The following IL1B variants were observed in gnomAD, a reference collection of about 807,000 sequenced individuals.
IL1B encodes the protein interleukin 1 beta, also known as interleukin-1 beta.
IL1B carries 11 observed loss-of-function variants against 26.2 expected under a neutral mutation model. The observed-to-expected ratio is 0.42, with a 90% confidence interval of 0.26 to 0.70. IL1B has a LOEUF of 0.70. IL1B is among the 30% of genes least tolerant of loss of function. IL1B has a pLI of 0.25. For synonymous variants in IL1B, 118 were observed against 120.8 expected, an observed-to-expected ratio of 0.98 and a Z score of 0.15; for missense variants, 255 against 327.5, an observed-to-expected ratio of 0.78 and a Z score of 1.71.
chr2:112,833,159 G>T, intron 4 of IL1B: 1 of 626,008 alleles, frequency 1.6e-6, no homozygotes, highest in Non-Finnish European at 2.8e-6. Context: ...GAAAGAGTGA[G>T]GGAGTTGCAA....
In IL1B at chr2:112,832,670, T is replaced by C. The variant is rs756774985; in HGVS notation, c.458A>G (p.Glu153Gly). The change falls in exon 5 of 7, where the codon GAG becomes GGG. Residue 153 changes from glutamate (E) to glycine (G), a missense_variant. Transcript: ENST00000263341. ...KALHLQGQDM[E>G]QQVVFSMSFV... is the part of the protein sequence containing the mutation. ...AGGATGTTTCCATTTACCTTGTTGC[T>C]CCATATCCTGTCCCTGGAGGTGGAG... 4 of 1,614,070 alleles carry C rather than the reference T, an allele frequency of 2.5e-6. No individual in the cohort carries two copies. The African/African-American group carries it at 5.3e-5, about 22-fold the overall frequency.
chr2:112,835,701 C>T, intron 2 of IL1B, 84 bp from the exon 3 acceptor site: 2 of 1,192,368 alleles, frequency 1.7e-6, no homozygotes. Context: ...CTTGACTGTT[C>T]ATAAGAAACT....
intron 5 of IL1B, among the ~76,000 whole-genome samples, chr2:112,832,119 G>A (rs1055008339): frequency 6.6e-6 from 1 of 152,232 alleles, no homozygotes; most frequent in African/African-American, 2.4e-5. Flanking sequence ...ATGCCAGGCA[G>A]ATCACCACAG....
In IL1B at chr2:112,832,557, T is replaced by C. The variant is rs529608227; in HGVS notation, c.466+105A>G. 5.7e-6 allele frequency: 7 copies of C among 1,223,680 alleles called. No individual in the cohort carries two copies. In the African/African-American group the frequency reaches 8.9e-5, roughly 16 times the overall value. 75.8% of individuals were successfully genotyped at this position (1,223,680 alleles called of 1,614,324 possible). On this transcript the variant is annotated intron_variant, in intron 5 of 6. Coordinates refer to ENST00000263341, the MANE Select transcript of IL1B (RefSeq NM_000576.3). ...TTCCTTTTTAATATTTTTTTTCACT[T>C]GTGTTGATCATTTGCCTTAAATTAA...
intron 3 of IL1B, 114 bp downstream of exon 3, chr2:112,835,452 A>G (rs1682071047): frequency 1.2e-6 from 1 of 845,582 alleles, no homozygotes; most frequent in Admixed American, 1.8e-5. Flanking sequence ...GGAAGAGGTT[A>G]AAGTCTTTCT....
At position 112,834,457 on chromosome 2, in the gene IL1B, C is replaced by T. The variant is rs183903244; in HGVS notation, c.100-882G>A. On this transcript the variant is annotated intron_variant, in intron 3 of 6. Transcript: ENST00000263341. ...ACTTTCCTCTTATTCAGAGAAGCTC[C>T]GTATTAAGGCTTCACTGAGGTTGCC... is the stretch of plus-strand genomic sequence containing the variant. 4.3e-4 allele frequency among the ~76,000 whole-genome samples: 65 copies of T among 152,300 alleles called. 1 individual carries two copies. The highest frequency in any genetic ancestry group is 1.9e-3 in the East Asian group (10 of 5,190).
chr2:112,836,220 C>T lies in IL1B; in HGVS notation c.10G>A (p.Val4Ile), dbSNP rs755035830. Reference protein sequence around the residue: MAEVPELASEMMAY... With the variant: MAEIPELASEMMAY... ...ATCATTTCACTGGCGAGCTCAGGTA[C>T]TTCTGCCATGGCTGCTTCAGACACC... The change falls in exon 2 of 7, where the codon GTA becomes ATA. Residue 4 changes from valine to isoleucine, a missense_variant. Val to Ile is a conservative substitution (Grantham distance 29). Transcript: ENST00000263341. 16 of 1,613,666 alleles carry T rather than the reference C, an allele frequency of 9.9e-6. No homozygotes were observed. In the South Asian group the frequency reaches 1.4e-4, roughly 14 times the overall value.
chr2:112,832,872 A>G, intron 4 of IL1B, 46 bp from the exon 5 acceptor site: 3 of 1,604,548 alleles, frequency 1.9e-6, no homozygotes, highest in Non-Finnish European at 2.6e-6. Context: ...TCAGAAGGGC[A>G]GGCCTCGTGA....
chr2:112,830,212 G>C lies in IL1B; in HGVS notation c.*149C>G. Reference sequence around the variant, plus strand: ...GGCTGATGGACAGGAGATCCTCTTAGCACTACCCTAAGGCAGGCAGTTGGG... The same window carrying C: ...GGCTGATGGACAGGAGATCCTCTTACCACTACCCTAAGGCAGGCAGTTGGG... On this transcript the variant is annotated 3_prime_UTR_variant, in exon 7 of 7. Coordinates refer to ENST00000263341, the MANE Select transcript of IL1B (RefSeq NM_000576.3). 1.5e-6 allele frequency: 1 copy of C among 689,148 alleles called. No individual in the cohort carries two copies. Among genetic ancestry groups the C allele is most frequent in the South Asian group, 1.7e-5 (1 of 60,122 alleles). The allele number at this position is 689,148 out of a possible 1,614,324, so 42.7% of individuals were successfully genotyped here.
intron 4 of IL1B, 135 bp downstream of exon 4, chr2:112,833,239 C>A: frequency 1.2e-6 from 1 of 800,274 alleles, no homozygotes; most frequent in Admixed American, 2.0e-5. Flanking sequence ...TGGTTTCCAG[C>A]CTTCTTTGTT....
chr2:112,834,542 A>C (rs1682050626), intron 3 of IL1B, among the ~76,000 whole-genome samples: 1 of 152,248 alleles, frequency 6.6e-6, no homozygotes, highest in African/African-American at 2.4e-5. Context: ...GTAAGTGCAC[A>C]AAAGAAAGTT....
At chr2:112,834,968 A>C (rs1406164898) in intron 3 of IL1B, among the ~76,000 whole-genome samples, 1 of 152,192 alleles carries the variant, frequency 6.6e-6, no homozygotes, top group African/African-American at 2.4e-5. Context: ...TCAGAACTGG[A>C]GGTTGCAGGA....
chr2:112,833,187 G>T, intron 4 of IL1B, 187 bp downstream of exon 4: 1 of 665,800 alleles, frequency 1.5e-6, no homozygotes, highest in Non-Finnish European at 2.7e-6. Context: ...TAGCCATCAA[G>T]ATCTTCTTTA....
intron 5 of IL1B, among the ~76,000 whole-genome samples, 166 bp from the exon 6 acceptor site, chr2:112,831,588 G>C (rs1681986857): frequency 1.3e-5 from 2 of 152,180 alleles, no homozygotes; most frequent in Admixed American, 1.3e-4. Flanking sequence ...ACAGACAATA[G>C]CAGGGTCATT....
At chr2:112,831,098 A>G in intron 6 of IL1B, 194 bp downstream of exon 6, 2 of 623,138 alleles carry the variant, frequency 3.2e-6, no homozygotes, top group Non-Finnish European at 5.8e-6. Flanking sequence ...CGGCAAAATG[A>G]TTTAATTTTC....
At chr2:112,832,237 G>T (rs1681997805) in intron 5 of IL1B, among the ~76,000 whole-genome samples, 1 of 152,174 alleles carries the variant, frequency 6.6e-6, no homozygotes, top group Non-Finnish European at 1.5e-5. Context: ...GGCATTGGGT[G>T]GGACGGATGT....
chr2:112,835,353 G>A (rs1449005285), intron 3 of IL1B: 2 of 616,606 alleles, frequency 3.2e-6, no homozygotes, highest in Admixed American at 5.0e-5. Flanking sequence ...ACCACCAAGT[G>A]TGGCCACCAC....
chr2:112,833,521 T>G lies in IL1B; in HGVS notation c.154A>C (p.Ile52Leu), dbSNP rs1173863937. 6.2e-7 allele frequency: 1 copy of G among 1,613,958 alleles called. No individual in the cohort carries two copies. The highest frequency in any genetic ancestry group is 1.7e-5 in the Admixed American group (1 of 60,006). Residue 52 changes from isoleucine (I) to leucine (L), a missense_variant, in exon 4 of 7, where the codon ATC becomes CTC. Transcript: ENST00000263341. Reference protein sequence around the residue: ...CPLDGGIQLRISDHHYSKGFR... With the variant: ...CPLDGGIQLRLSDHHYSKGFR... Reference sequence around the variant, plus strand: ...CCCTTGCTGTAGTGGTGGTCGGAGATTCGTAGCTGGATGCCGCCATCCAGA... The same window carrying G: ...CCCTTGCTGTAGTGGTGGTCGGAGAGTCGTAGCTGGATGCCGCCATCCAGA...
chr2:112,833,343 G>A (rs190212930), intron 4 of IL1B, 31 bp downstream of exon 4: 188 of 1,599,724 alleles, frequency 1.2e-4, no homozygotes, highest in Middle Eastern at 8.3e-4. Context: ...GGACACAAGT[G>A]GAGATCTACT....
Sources: gnomAD v4.1 joint callset for allele counts (sites outside exome capture counted in the v4.1 genomes callset) on GRCh38, gnomAD v4.1.1 for gene constraint, MANE v1.5 for transcripts, NCBI Gene and HGNC (gene_info 2026-07-23, HGNC 2026-07-21) for gene names.